The following SLAIN1 variants were observed in gnomAD, a reference collection of about 807,000 sequenced individuals.
SLAIN1 encodes SLAIN family member 1.
In SLAIN1, 17 loss-of-function variants were observed where a neutral mutation model predicts 55.4. That is an observed-to-expected ratio of 0.31 (90% CI 0.21 to 0.46). The LOEUF (loss-of-function observed/expected upper bound fraction) is 0.46, where lower values mean the gene tolerates loss of function less well. Ranked by LOEUF, SLAIN1 falls within the 20% of genes least tolerant of loss-of-function variation. SLAIN1 has a pLI of 1.00. For missense variants in SLAIN1, 682 were observed against 785.1 expected, an observed-to-expected ratio of 0.87 and a Z score of 1.57; for synonymous variants, 348 against 337.4, an observed-to-expected ratio of 1.03 and a Z score of -0.35.
chr13:77,755,135 A>G (rs1178593938), intron 5 of SLAIN1, among the ~76,000 whole-genome samples: 2 of 152,160 alleles, frequency 1.3e-5, no homozygotes, highest in African/African-American at 4.8e-5. Context: ...CCTAGGCAAT[A>G]TGATGAAACC....
intron 2 of SLAIN1, among the ~76,000 whole-genome samples, chr13:77,723,482 C>A (rs2154409789): frequency 6.6e-6 from 1 of 152,208 alleles, no homozygotes; most frequent in African/African-American, 2.4e-5. Flanking sequence ...TCCTGTGTTT[C>A]AAAACATCTT....
chr13:77,714,500 C>T (rs2091186781), intron 1 of SLAIN1, among the ~76,000 whole-genome samples: 1 of 152,116 alleles, frequency 6.6e-6, no homozygotes, highest in African/African-American at 2.4e-5. Context: ...ATGATCCTAG[C>T]AACTCAGGAG....
At chr13:77,746,928 T>G in intron 4 of SLAIN1, 73 bp downstream of exon 4, 1 of 1,292,928 alleles carries the variant, frequency 7.7e-7, no homozygotes, top group East Asian at 2.4e-5. Flanking sequence ...GGTTTTTGTG[T>G]TTTTGTTTTT....
chr13:77,700,799 A>G lies in SLAIN1; in HGVS notation c.626+2260A>G, dbSNP rs74095842. Among the ~76,000 whole-genome samples the G allele has an allele frequency of 9.9e-3, 1,502 of 152,242 alleles. 26 individuals carry two copies. Among genetic ancestry groups the G allele is most frequent in the African/African-American group, 0.034 (1,419 of 41,544 alleles). ...ATTAAGAAACAACTGGAGTGGGTATATAGTACCTTATTTTAAAAATATTTA... is the reference window on the plus strand; with the variant it reads ...ATTAAGAAACAACTGGAGTGGGTATGTAGTACCTTATTTTAAAAATATTTA... On this transcript the variant is annotated intron_variant, in intron 1 of 6. Transcript: ENST00000418532.
At chr13:77,707,159 T>C (rs187147687) in intron 1 of SLAIN1, among the ~76,000 whole-genome samples, 1 of 152,194 alleles carries the variant, frequency 6.6e-6, no homozygotes, top group Non-Finnish European at 1.5e-5. Flanking sequence ...CAGACAGATG[T>C]AGGTCATTCC....
chr13:77,756,907 G>A (rs1422837521), intron 5 of SLAIN1, among the ~76,000 whole-genome samples: 3 of 152,252 alleles, frequency 2.0e-5, no homozygotes, highest in Admixed American at 1.3e-4. Context: ...AGGCATGAGA[G>A]AGCATTGTAA....
At chr13:77,715,676 T>C (rs2091199860) in intron 1 of SLAIN1, among the ~76,000 whole-genome samples, 1 of 152,186 alleles carries the variant, frequency 6.6e-6, no homozygotes, top group African/African-American at 2.4e-5. Flanking sequence ...GCTATTTTTC[T>C]AATGATTAAT....
intron 2 of SLAIN1, among the ~76,000 whole-genome samples, chr13:77,728,234 C>T (rs1181863641): frequency 6.6e-6 from 1 of 152,130 alleles, no homozygotes. Context: ...GATTAGCTCA[C>T]TTGATATCCT....
intron 1 of SLAIN1, among the ~76,000 whole-genome samples, chr13:77,702,666 A>C (rs1309071077): frequency 6.6e-6 from 1 of 152,080 alleles, no homozygotes; most frequent in Non-Finnish European, 1.5e-5. Flanking sequence ...TAGAGTTCAG[A>C]CTAAAAATCA....
intron 4 of SLAIN1, among the ~76,000 whole-genome samples, chr13:77,750,634 A>G (rs1874143779): frequency 6.6e-6 from 1 of 152,190 alleles, no homozygotes; most frequent in South Asian, 2.1e-4. Context: ...ATTTGGGAAT[A>G]CGAGACGTAT....
rs1229113410 is a variant in SLAIN1 at position 77,764,024 on chromosome 13, C to G, written c.*804C>G. The G allele has an allele frequency of 6.6e-6, 1 of 152,568 alleles. No individual in the cohort carries two copies. Among genetic ancestry groups the G allele is most frequent in the Admixed American group, 6.6e-5 (1 of 15,262 alleles). 9.5% of individuals were successfully genotyped at this position (152,568 alleles called of 1,614,324 possible). ...ACTGTACCACAATTGATTTTCAATA[C>G]TTTATTACGAAGGATGAAACTGTAA... On this transcript the variant is annotated 3_prime_UTR_variant, in exon 7 of 7. Transcript: ENST00000418532.
rs397725354 is a variant in SLAIN1 at position 77,743,503 on chromosome 13, T to TA, written c.767-778dup. The TA allele has an allele frequency of 5.9e-4, 91 of 154,832 alleles. 1 individual carries two copies. Among genetic ancestry groups the TA allele is most frequent in the Admixed American group, 1.9e-3 (29 of 15,276 alleles). The allele number at this position is 154,832 out of a possible 1,614,324, so 9.6% of individuals were successfully genotyped here. A position where few individuals can be genotyped will look rare whatever the true frequency, so the allele number is the denominator to read the frequency against. ...CAAGATTGTAAGTCTGTATTTTTTT[T>TA]AATTTTTTTCTGGTAGCTTTTAAAT... On this transcript the variant is annotated intron_variant, in intron 2 of 6. Transcript: ENST00000418532.
chr13:77,708,404 TAGC>T (rs1197815721), intron 1 of SLAIN1, among the ~76,000 whole-genome samples: 1 of 152,138 alleles, frequency 6.6e-6, no homozygotes, highest in African/African-American at 2.4e-5. Flanking sequence ...GTGCTTTAGA[TAGC>T]AGTTTCAGAT....
Position 77,698,528 on chromosome 13 carries a change from C to T in SLAIN1, c.615C>T (p.Asp205=). ...LESVAAWRDE[D]DYTWLYIGSS... Reference sequence around the variant, plus strand: ...GCGTAGCCGCCTGGCGGGACGAGGACGACTACACCTGGTACTGCCTGGCTC... The same window carrying T: ...GCGTAGCCGCCTGGCGGGACGAGGATGACTACACCTGGTACTGCCTGGCTC... Residue 205 remains aspartate, a synonymous_variant, in exon 1 of 7, where the codon GAC becomes GAT. Transcript: ENST00000418532. This position sits in a 1 kb window ranked among gnomAD's most constrained non-coding sequence, Gnocchi z 4.1. 6.9e-7 allele frequency: 1 copy of T among 1,442,426 alleles called. No individual in the cohort carries two copies. 89.4% of individuals were successfully genotyped at this position (1,442,426 alleles called of 1,614,324 possible).
At chr13:77,725,645 T>C (rs1009365686) in intron 2 of SLAIN1, among the ~76,000 whole-genome samples, 1 of 152,212 alleles carries the variant, frequency 6.6e-6, no homozygotes, top group Non-Finnish European at 1.5e-5. Context: ...TTAATTCCTT[T>C]GTAGGAAATG....
At chr13:77,753,121 G>T in intron 4 of SLAIN1, 82 bp from the exon 5 acceptor site, 2 of 1,255,558 alleles carry the variant, frequency 1.6e-6, no homozygotes, top group South Asian at 3.4e-5. Flanking sequence ...AGCACAATAT[G>T]ACTTTTGTTA....
intron 5 of SLAIN1, among the ~76,000 whole-genome samples, chr13:77,754,269 G>A (rs1474525051): frequency 6.6e-6 from 1 of 152,186 alleles, no homozygotes; most frequent in Non-Finnish European, 1.5e-5. Context: ...CTAACATGCA[G>A]CGATCTTTCA....
At chr13:77,725,257 C>T (rs1392900309) in intron 2 of SLAIN1, among the ~76,000 whole-genome samples, 2 of 152,162 alleles carry the variant, frequency 1.3e-5, no homozygotes, top group African/African-American at 2.4e-5. Flanking sequence ...TACTCTAAAA[C>T]AGTCACTTTC....
At chr13:77,739,928 CGTTA>C (rs2154410250) in intron 2 of SLAIN1, among the ~76,000 whole-genome samples, 1 of 151,796 alleles carries the variant, frequency 6.6e-6, no homozygotes, top group African/African-American at 2.4e-5. Context: ...AATAAGAGAC[CGTTA>C]GTCACCCTCA....
Sources: allele counts gnomAD v4.1 joint callset (sites outside exome capture counted in the v4.1 genomes callset), GRCh38; gene constraint gnomAD v4.1.1; non-coding constraint Gnocchi (gnomAD v3.1); transcripts MANE v1.5; gene names NCBI Gene and HGNC (gene_info 2026-07-23, HGNC 2026-07-21).